The following KIAA0586 variants were observed in gnomAD, a reference collection of about 807,000 sequenced individuals.
KIAA0586 encodes protein TALPID3.
KIAA0586 carries 144 observed loss-of-function variants against 169.8 expected under a neutral mutation model. The observed-to-expected ratio is 0.85, with a 90% confidence interval of 0.74 to 0.97. The LOEUF (loss-of-function observed/expected upper bound fraction) is 0.97. Ranked by LOEUF, KIAA0586 falls within the 50% of genes least tolerant of loss-of-function variation. The probability of loss-of-function intolerance (pLI) is 0.00; values close to 1 mark genes in which losing one functional copy is unlikely to be tolerated. For synonymous variants in KIAA0586, 625 were observed against 612.4 expected (o/e 1.02, Z -0.30); for missense variants, 1,854 against 1,823.0 (o/e 1.02, Z -0.31).
At chr14:58,543,262 T>C (rs190419560) in intron 30 of KIAA0586, among the ~76,000 whole-genome samples, 86 of 152,302 alleles carry the variant, frequency 5.6e-4, no homozygotes, top group African/African-American at 2.0e-3. Flanking sequence ...CCCTCTTACC[T>C]TTTACCTATT....
chr14:58,516,512 G>T (rs1179924568), intron 29 of KIAA0586, among the ~76,000 whole-genome samples: 1 of 152,262 alleles, frequency 6.6e-6, no homozygotes, highest in East Asian at 1.9e-4. Context: ...AGAGTGGTTG[G>T]AAACTGTCCT....
intron 10 of KIAA0586, 94 bp downstream of exon 10, chr14:58,456,904 T>G: frequency 2.8e-6 from 2 of 717,336 alleles, no homozygotes; most frequent in Non-Finnish European, 4.7e-6. Flanking sequence ...GGAGGAAGGA[T>G]GAAGAAAAAG....
intron 27 of KIAA0586, 63 bp from the exon 28 acceptor site, chr14:58,508,492 G>T: frequency 7.6e-7 from 1 of 1,310,418 alleles, no homozygotes; most frequent in Non-Finnish European, 1.1e-6. Flanking sequence ...TCAACTACTT[G>T]TTCATTTTTG....
At chr14:58,431,553 C>T (rs989601907) in intron 3 of KIAA0586, among the ~76,000 whole-genome samples, 1 of 152,208 alleles carries the variant, frequency 6.6e-6, no homozygotes, top group Non-Finnish European at 1.5e-5. Flanking sequence ...AGGCGTGAGC[C>T]ACCGTGTCTG....
At chr14:58,452,281 T>TA (rs948372295) in intron 8 of KIAA0586, among the ~76,000 whole-genome samples, 3 of 151,862 alleles carry the variant, frequency 2.0e-5, no homozygotes, top group East Asian at 1.9e-4. Context: ...TCTATGGAAA[T>TA]AAAAAAAATT....
intron 4 of KIAA0586, among the ~76,000 whole-genome samples, chr14:58,442,360 G>A (rs140731449): frequency 0.012 from 1,815 of 152,284 alleles, 32 homozygotes; most frequent in African/African-American, 0.041. Flanking sequence ...CACCTGCCTT[G>A]GCCTCCCAAA....
intron 15 of KIAA0586, among the ~76,000 whole-genome samples, chr14:58,466,569 CAAA>C (rs892887613): frequency 1.4e-5 from 2 of 146,100 alleles, no homozygotes; most frequent in Non-Finnish European, 3.0e-5. Flanking sequence ...GACCTTGTCT[CAAA>C]AAAAAAAATT....
At chr14:58,429,228 CT>C in intron 1 of KIAA0586, 134 bp from the exon 2 acceptor site, 2 of 585,544 alleles carry the variant, frequency 3.4e-6, no homozygotes, top group Non-Finnish European at 6.2e-6. Flanking sequence ...ATTTTCTTAA[CT>C]TTTTTTGCAT....
In KIAA0586 at chr14:58,548,892, CCTT is replaced by C. The variant is rs1372781937; in HGVS notation, c.*964_*966del. ...CTTTGTGATAGGGGCCAACGAAACG[CCTT>C]CTTATCAGCTGTTTCAGATTAATGG... On this transcript the variant is annotated 3_prime_UTR_variant, in exon 31 of 31. Transcript: ENST00000652326. The C allele has an allele frequency of 2.0e-5, 3 of 152,082 alleles. No individual in the cohort carries two copies. Among genetic ancestry groups the C allele is most frequent in the Non-Finnish European group, 4.4e-5 (3 of 68,028 alleles). 9.4% of individuals were successfully genotyped at this position (152,082 alleles called of 1,614,324 possible). A position where few individuals can be genotyped will look rare whatever the true frequency, so the allele number is the denominator to read the frequency against.
chr14:58,490,233 T>C lies in KIAA0586; in HGVS notation c.3851T>C (p.Val1284Ala). ...TTATCCAGCACTCTGCATGATGCCGTTGAAATGGTAAGTAACGATTGACTC... is the reference window on the plus strand; with the variant it reads ...TTATCCAGCACTCTGCATGATGCCGCTGAAATGGTAAGTAACGATTGACTC... ...DSLSSTLHDA[V>A]EMEDDPPSEG... The change falls in exon 25 of 31, where the codon GTT becomes GCT. Residue 1284 changes from valine to alanine, a missense_variant. Transcript: ENST00000652326. 6.6e-7 allele frequency: 1 copy of C among 1,526,372 alleles called. No individual in the cohort carries two copies. The highest frequency in any genetic ancestry group is 1.4e-5 in the African/African-American group (1 of 72,204). 94.6% of individuals were successfully genotyped at this position (1,526,372 alleles called of 1,614,324 possible).
chr14:58,553,420 G>C (rs1308734846), downstream of KIAA0586, among the ~76,000 whole-genome samples: 1 of 151,940 alleles, frequency 6.6e-6, no homozygotes, highest in Non-Finnish European at 1.5e-5. Flanking sequence ...CTTCAAAAAA[G>C]GAAGGAGAAA....
intron 26 of KIAA0586, among the ~76,000 whole-genome samples, chr14:58,497,947 A>G (rs1430249450): frequency 2.1e-5 from 3 of 141,652 alleles, no homozygotes; most frequent in South Asian, 2.2e-4. Flanking sequence ...GTGCAATCTC[A>G]GCTCACTGCA....
At chr14:58,480,963 T>A (rs1319741834) in intron 20 of KIAA0586, among the ~76,000 whole-genome samples, 2 of 152,244 alleles carry the variant, frequency 1.3e-5, no homozygotes, top group Non-Finnish European at 2.9e-5. Context: ...GCTTTTGTTT[T>A]GCCAGTGTCT....
intron 29 of KIAA0586, chr14:58,521,127 T>C: frequency 2.0e-6 from 1 of 501,840 alleles, no homozygotes; most frequent in Non-Finnish European, 3.7e-6. Flanking sequence ...AATAGGAGTC[T>C]CAGAATCGAA....
At chr14:58,501,353 A>G (rs1310714097) in intron 27 of KIAA0586, among the ~76,000 whole-genome samples, 1 of 152,196 alleles carries the variant, frequency 6.6e-6, no homozygotes, top group Admixed American at 6.5e-5. Flanking sequence ...ATGGCATGAA[A>G]TGTGACTTAC....
At chr14:58,530,409 G>C (rs1049261715) in intron 29 of KIAA0586, among the ~76,000 whole-genome samples, 3 of 152,178 alleles carry the variant, frequency 2.0e-5, no homozygotes, top group Non-Finnish European at 2.9e-5. Flanking sequence ...AAAGAACAAA[G>C]CTGGAGGCAT....
chr14:58,448,534 G>A (rs2140664869), intron 7 of KIAA0586, 41 bp downstream of exon 7: 1 of 1,470,256 alleles, frequency 6.8e-7, no homozygotes, highest in Non-Finnish European at 9.3e-7. Flanking sequence ...AATGTCAGCT[G>A]TGAATTTTCT....
intron 17 of KIAA0586, among the ~76,000 whole-genome samples, chr14:58,471,838 A>T (rs1748989): frequency 2.0e-5 from 3 of 150,982 alleles, no homozygotes; most frequent in Admixed American, 6.6e-5. Context: ...ATCCATCTTC[A>T]TGTGAGTTCA....
At chr14:58,521,546 C>T (rs1461985993) in intron 29 of KIAA0586, 17 of 839,952 alleles carry the variant, frequency 2.0e-5, no homozygotes, top group Admixed American at 1.9e-4. Context: ...GTAGTGCCCT[C>T]GAAATGTCAG....
Sources: allele counts gnomAD v4.1 joint callset (sites outside exome capture counted in the v4.1 genomes callset), GRCh38; gene constraint gnomAD v4.1.1; transcripts MANE v1.5; gene names NCBI Gene and HGNC (gene_info 2026-07-23, HGNC 2026-07-21).